PHTF2: variants seen among roughly 807,000 people sequenced by gnomAD.
PHTF2 encodes the protein putative homeodomain transcription factor 2.
PHTF2 carries 60 observed loss-of-function variants against 101.2 expected under a neutral mutation model. The ratio of observed to expected loss-of-function variants is 0.59; its 90% confidence interval spans 0.48 to 0.73. PHTF2 has a LOEUF of 0.73. PHTF2 is among the 30% of genes least tolerant of loss of function. The pLI is 0.00. For synonymous variants in PHTF2, 311 were observed against 307.3 expected, an observed-to-expected ratio of 1.01 and a Z score of -0.13; for missense variants, 747 against 908.7, an observed-to-expected ratio of 0.82 and a Z score of 2.29.
At chr7:77,806,019 A>T (rs1792946912) in intron 1 of PHTF2, among the ~76,000 whole-genome samples, 1 of 152,200 alleles carries the variant, frequency 6.6e-6, no homozygotes, top group African/African-American at 2.4e-5. Context: ...TACTAAAAAT[A>T]CAAAAAGTGG....
At chr7:77,819,809 TATTA>T (rs1794132822) in intron 1 of PHTF2, among the ~76,000 whole-genome samples, 1 of 152,218 alleles carries the variant, frequency 6.6e-6, no homozygotes, top group Non-Finnish European at 1.5e-5. Context: ...GAAAAATTGA[TATTA>T]ATTCTTCCCT....
chr7:77,832,499 G>T (rs1057501162), intron 1 of PHTF2, among the ~76,000 whole-genome samples: 1 of 152,230 alleles, frequency 6.6e-6, no homozygotes, highest in African/African-American at 2.4e-5. Context: ...GGCCTTAAAA[G>T]TATGTTTGAG....
At chr7:77,884,293 A>G (rs1799642485) in intron 3 of PHTF2, among the ~76,000 whole-genome samples, 1 of 152,228 alleles carries the variant, frequency 6.6e-6, no homozygotes. Flanking sequence ...GATGAATTAT[A>G]TAGTGATGAA....
At chr7:77,836,919 A>G (rs1484747209) in intron 1 of PHTF2, among the ~76,000 whole-genome samples, 1 of 151,890 alleles carries the variant, frequency 6.6e-6, no homozygotes, top group Non-Finnish European at 1.5e-5. Flanking sequence ...TACCTATGTA[A>G]CAAACCTGCA....
At chr7:77,826,742 T>G (rs1242396214) in intron 1 of PHTF2, among the ~76,000 whole-genome samples, 3 of 152,200 alleles carry the variant, frequency 2.0e-5, no homozygotes, top group Non-Finnish European at 4.4e-5. Flanking sequence ...TCAAAGAGGA[T>G]GATGGAATAA....
chr7:77,900,064 T>G (rs1801251165), intron 5 of PHTF2, among the ~76,000 whole-genome samples: 1 of 152,170 alleles, frequency 6.6e-6, no homozygotes, highest in South Asian at 2.1e-4. Context: ...TTCAATAATT[T>G]CAAGTTTAAA....
chr7:77,850,603 C>T (rs1796679351), intron 2 of PHTF2, among the ~76,000 whole-genome samples: 1 of 145,420 alleles, frequency 6.9e-6, no homozygotes, highest in Non-Finnish European at 1.5e-5. Context: ...GATTGTGCCA[C>T]TGCACACCAA....
At chr7:77,819,212 TG>T (rs1398029886) in intron 1 of PHTF2, among the ~76,000 whole-genome samples, 1 of 152,232 alleles carries the variant, frequency 6.6e-6, no homozygotes, top group Non-Finnish European at 1.5e-5. Context: ...CTTTTCAACT[TG>T]GTTGCCTATT....
chr7:77,855,790 C>G lies in PHTF2; in HGVS notation c.147+956C>G, dbSNP rs1450831308. On this transcript the variant is annotated intron_variant, in intron 3 of 19. Transcript: ENST00000416283. ...GAGTTCCAATGCAAAGTCTCATAAT[C>G]ACTACACTTTCTGTCCCCCAAGCAC... Among the ~76,000 whole-genome samples the G allele has an allele frequency of 2.0e-5, 3 of 152,188 alleles. No individual in the cohort carries two copies. In the East Asian group the frequency reaches 5.8e-4, roughly 29 times the overall value.
At chr7:77,901,799 G>T in exon 7 of PHTF2, 1 of 1,556,982 alleles carries the variant, frequency 6.4e-7, no homozygotes, top group South Asian at 1.2e-5. Flanking sequence ...AAAGTCCTTG[G>T]ACTTCTCTGA....
chr7:77,822,610 G>A (rs1453589617), intron 1 of PHTF2, among the ~76,000 whole-genome samples: 1 of 152,092 alleles, frequency 6.6e-6, no homozygotes, highest in Non-Finnish European at 1.5e-5. Flanking sequence ...GGGCTGGTAG[G>A]GATCTTCTGC....
intron 13 of PHTF2, among the ~76,000 whole-genome samples, chr7:77,939,313 G>A (rs1438562964): frequency 6.6e-6 from 1 of 151,914 alleles, no homozygotes; most frequent in Non-Finnish European, 1.5e-5. Flanking sequence ...TATTCAAAGA[G>A]AAATGTAAGC....
chr7:77,818,420 G>T (rs1348750118), intron 1 of PHTF2, among the ~76,000 whole-genome samples: 1 of 152,046 alleles, frequency 6.6e-6, no homozygotes, highest in African/African-American at 2.4e-5. Context: ...GATTCATTTT[G>T]GGGTTGATTT....
chr7:77,881,046 G>GT (rs1403357693), intron 3 of PHTF2, among the ~76,000 whole-genome samples: 1 of 151,944 alleles, frequency 6.6e-6, no homozygotes, highest in South Asian at 2.1e-4. Flanking sequence ...CCAAGTGGTT[G>GT]TTTTTTTACC....
At chr7:77,947,141 C>T (rs1030475675) in intron 16 of PHTF2, among the ~76,000 whole-genome samples, 2 of 133,512 alleles carry the variant, frequency 1.5e-5, no homozygotes, top group African/African-American at 3.2e-5. Flanking sequence ...CAACAACAAA[C>T]GCATATGTTA....
chr7:77,819,392 A>T (rs1044941705), intron 1 of PHTF2, among the ~76,000 whole-genome samples: 4 of 152,162 alleles, frequency 2.6e-5, no homozygotes, highest in African/African-American at 4.8e-5. Flanking sequence ...GGCCTTTATT[A>T]TGTTGAGATA....
intron 5 of PHTF2, among the ~76,000 whole-genome samples, chr7:77,895,658 C>G (rs1213768895): frequency 5.3e-5 from 8 of 152,072 alleles, no homozygotes. Flanking sequence ...TCACAAATTA[C>G]TACATTACTT....
chr7:77,815,294 A>G (rs1793771103), intron 1 of PHTF2, among the ~76,000 whole-genome samples: 2 of 152,132 alleles, frequency 1.3e-5, no homozygotes, highest in South Asian at 2.1e-4. Flanking sequence ...CAAAAGTACC[A>G]GGAGTATTGA....
chr7:77,941,305 G>T (rs1326139015), intron 15 of PHTF2, among the ~76,000 whole-genome samples: 1 of 151,984 alleles, frequency 6.6e-6, no homozygotes, highest in Non-Finnish European at 1.5e-5. Context: ...TCATTGTTCT[G>T]TTTATTAATT....
Sources: allele counts gnomAD v4.1 joint callset (sites outside exome capture counted in the v4.1 genomes callset), GRCh38; gene constraint gnomAD v4.1.1; transcripts MANE v1.5; gene names NCBI Gene and HGNC (gene_info 2026-07-23, HGNC 2026-07-21).